PELI2: variants seen among roughly 807,000 people sequenced by gnomAD.
The protein encoded by PELI2 is pellino E3 ubiquitin protein ligase family member 2, also known as E3 ubiquitin-protein ligase pellino homolog 2.
In PELI2, 23 loss-of-function variants were observed where a neutral mutation model predicts 42.3. The ratio of observed to expected loss-of-function variants is 0.54; its 90% CI spans 0.39 to 0.77. The LOEUF (loss-of-function observed/expected upper bound fraction) is 0.77, where lower values mean the gene tolerates loss of function less well. PELI2 is among the 30% of genes least tolerant of loss of function. PELI2 has a pLI of 0.00. For synonymous variants in PELI2, 245 were observed against 212.2 expected (o/e 1.15, Z -1.34); for missense variants, 463 against 553.2 (o/e 0.84, Z 1.64).
At chr14:56,206,522 A>ATT (rs756741499) in intron 2 of PELI2, among the ~76,000 whole-genome samples, 140,499 of 151,848 alleles carry the variant, frequency 0.93, 65,354 homozygotes, top group African/African-American at 0.98. Context: ...TGACTCTTAA[A>ATT]AATGTGTTAT....
At chr14:56,284,867 TAAAC>T (rs1889597561) in intron 3 of PELI2, among the ~76,000 whole-genome samples, 1 of 152,050 alleles carries the variant, frequency 6.6e-6, no homozygotes, top group Non-Finnish European at 1.5e-5. Flanking sequence ...AGACCACAAA[TAAAC>T]AAACCCTCTG....
At chr14:56,128,144 C>T (rs1883346769) in intron 1 of PELI2, among the ~76,000 whole-genome samples, 1 of 152,128 alleles carries the variant, frequency 6.6e-6, no homozygotes, top group Non-Finnish European at 1.5e-5. Context: ...AAACACTGAT[C>T]ATTCAGTTTG....
intron 1 of PELI2, among the ~76,000 whole-genome samples, chr14:56,174,645 C>A (rs1188126309): frequency 6.6e-6 from 1 of 152,208 alleles, no homozygotes; most frequent in Non-Finnish European, 1.5e-5. Context: ...CTTTCCCCTT[C>A]TCGAGCTTTC....
chr14:56,291,055 T>A (rs1889811380), intron 5 of PELI2, among the ~76,000 whole-genome samples: 1 of 152,212 alleles, frequency 6.6e-6, no homozygotes, highest in African/African-American at 2.4e-5. Context: ...GCAGTTTTTT[T>A]AAACCCATTC....
intron 1 of PELI2, among the ~76,000 whole-genome samples, chr14:56,140,231 T>G (rs1883854723): frequency 6.6e-6 from 1 of 152,170 alleles, no homozygotes. Flanking sequence ...CGTCAGGACT[T>G]GTAAAGAATA....
chr14:56,291,260 C>T (rs1450390194), intron 5 of PELI2, among the ~76,000 whole-genome samples: 10 of 152,138 alleles, frequency 6.6e-5, no homozygotes, highest in Admixed American at 5.9e-4. Context: ...TTCTTCAAAA[C>T]TCCCACAGAA....
chr14:56,153,900 CTCT>C lies in PELI2; in HGVS notation c.78-24430_78-24428del, dbSNP rs1019225367. On this transcript the variant is annotated intron_variant, in intron 1 of 5. Coordinates refer to ENST00000267460, the MANE Select transcript of PELI2 (RefSeq NM_021255.3). The stretch of plus-strand genomic sequence containing the variant: ...CTTCTACTGAGTATAAATTTAAACC[CTCT>C]TCTTATGGTAAGGGTTGATTTTGTT... Among the ~76,000 whole-genome samples the C allele has an allele frequency of 6.6e-5, 10 of 152,252 alleles. No individual in the cohort carries two copies. In the East Asian group the frequency reaches 1.7e-3, roughly 26 times the overall value.
chr14:56,288,667 A>G lies in PELI2; in HGVS notation c.507+33A>G, dbSNP rs1270082244. 1 of 1,525,046 alleles carries G rather than the reference A, an allele frequency of 6.6e-7. No homozygotes were observed. Among genetic ancestry groups the G allele is most frequent in the Non-Finnish European group, 9.0e-7 (1 of 1,110,798 alleles). 94.5% of individuals were successfully genotyped at this position (1,525,046 alleles called of 1,614,324 possible). On this transcript the variant is annotated intron_variant, in intron 4 of 5. Coordinates refer to ENST00000267460, the MANE Select transcript of PELI2 (RefSeq NM_021255.3). The surrounding 1 kb of genome is among the most constrained non-coding windows in gnomAD (Gnocchi z 4.6). ...CTGTCAAGAAGTACACGATTTCTAG[A>G]AAAATGCTTGTGATTATGATATGGA...
chr14:56,225,594 A>T (rs1351827204), intron 2 of PELI2, among the ~76,000 whole-genome samples: 1 of 152,176 alleles, frequency 6.6e-6, no homozygotes, highest in Admixed American at 6.5e-5. Context: ...TACTGGGGAC[A>T]CGCCAAGAGG....
At chr14:56,182,819 C>G (rs1885633424) in intron 2 of PELI2, among the ~76,000 whole-genome samples, 1 of 152,078 alleles carries the variant, frequency 6.6e-6, no homozygotes, top group Admixed American at 6.5e-5. Flanking sequence ...ATATAATTTT[C>G]AACATAAACT....
rs150790379 is a variant in PELI2 at position 56,242,342 on chromosome 14, A to C, written c.208-37334A>C. Among the ~76,000 whole-genome samples the C allele has an allele frequency of 2.6e-5, 4 of 152,346 alleles. No homozygotes were observed. In the East Asian group the frequency reaches 7.7e-4, roughly 29 times the overall value. ...CGTAGCCATGAAAACAGTGACTATC[A>C]ATTGAAAACAAAATTATTTTATATT... On this transcript the variant is annotated intron_variant, in intron 2 of 5. Coordinates refer to ENST00000267460, the MANE Select transcript of PELI2 (RefSeq NM_021255.3).
At chr14:56,131,407 G>T (rs1045456250) in intron 1 of PELI2, among the ~76,000 whole-genome samples, 1 of 152,196 alleles carries the variant, frequency 6.6e-6, no homozygotes, top group Non-Finnish European at 1.5e-5. Flanking sequence ...AACATTCTGA[G>T]CAAACAGGCA....
In PELI2 at chr14:56,300,183, T is replaced by A. The variant is rs1890131774; in HGVS notation, c.*3017T>A. The A allele has an allele frequency of 6.6e-6, 1 of 152,652 alleles. No homozygotes were observed. The allele number at this position is 152,652 out of a possible 1,614,324, so 9.5% of individuals were successfully genotyped here. A position where few individuals can be genotyped will look rare whatever the true frequency, so the allele number is the denominator to read the frequency against. On this transcript the variant is annotated 3_prime_UTR_variant, in exon 6 of 6. Coordinates refer to ENST00000267460, the MANE Select transcript of PELI2 (RefSeq NM_021255.3). Reference sequence around the variant, plus strand: ...TAGTTAATTATAGACTTTGGTACCTTTGTGCCTCAGGGAAGCCACGTGATA... The same window carrying A: ...TAGTTAATTATAGACTTTGGTACCTATGTGCCTCAGGGAAGCCACGTGATA...
At chr14:56,172,908 T>G (rs531867285) in intron 1 of PELI2, among the ~76,000 whole-genome samples, 3 of 152,348 alleles carry the variant, frequency 2.0e-5, no homozygotes, top group African/African-American at 7.2e-5. Context: ...GCGATATAAC[T>G]TTTTCCTGGT....
chr14:56,285,688 A>C (rs987892876), intron 3 of PELI2, among the ~76,000 whole-genome samples: 11 of 152,142 alleles, frequency 7.2e-5, no homozygotes, highest in African/African-American at 2.7e-4. Flanking sequence ...GCGTGGTTTC[A>C]GTAGAGTTGT....
At chr14:56,169,644 C>T (rs1885096829) in intron 1 of PELI2, among the ~76,000 whole-genome samples, 1 of 152,164 alleles carries the variant, frequency 6.6e-6, no homozygotes, top group Non-Finnish European at 1.5e-5. Flanking sequence ...GAAGTTAAAA[C>T]CAGGTATTAT....
chr14:56,122,191 C>T (rs1371546262), intron 1 of PELI2, among the ~76,000 whole-genome samples: 1 of 152,144 alleles, frequency 6.6e-6, no homozygotes, highest in Non-Finnish European at 1.5e-5. Flanking sequence ...CAGCAAACCA[C>T]TATGGCACGT....
intron 2 of PELI2, among the ~76,000 whole-genome samples, chr14:56,213,912 C>T (rs1156520730): frequency 2.0e-5 from 3 of 151,974 alleles, no homozygotes; most frequent in Admixed American, 6.6e-5. Context: ...AGTGCAGTGG[C>T]GTGATCTCGG....
intron 3 of PELI2, among the ~76,000 whole-genome samples, chr14:56,283,256 T>C (rs1889538385): frequency 6.6e-6 from 1 of 152,240 alleles, no homozygotes; most frequent in Non-Finnish European, 1.5e-5. Context: ...CGTTACTAAC[T>C]TCTGAGTACT....
Sources: gnomAD v4.1 joint callset for allele counts (sites outside exome capture counted in the v4.1 genomes callset) on GRCh38, gnomAD v4.1.1 for gene constraint, Gnocchi (gnomAD v3.1) non-coding constraint, MANE v1.5 for transcripts, NCBI Gene and HGNC (gene_info 2026-07-23, HGNC 2026-07-21) for gene names.